SHROOM4: variants seen among roughly 807,000 people sequenced by gnomAD.
The protein encoded by SHROOM4 is shroom family member 4, also known as protein Shroom4.
In SHROOM4, 17 loss-of-function variants were observed where a neutral mutation model predicts 80.3. The ratio of observed to expected loss-of-function variants is 0.21; its 90% CI spans 0.14 to 0.32. The LOEUF is 0.32. Among genes scored for constraint, SHROOM4 ranks in the 10% least tolerant of loss-of-function variants. SHROOM4 has a pLI of 1.00. For synonymous variants in SHROOM4, 400 were observed against 437.5 expected (o/e 0.91, Z 1.07); for missense variants, 993 against 1,140.3 (o/e 0.87, Z 1.86).
intron 2 of SHROOM4, among the ~76,000 whole-genome samples, chrX:50,680,733 G>T (rs140772251): frequency 2.4e-4 from 27 of 110,936 alleles, no homozygotes; most frequent in Non-Finnish European, 4.3e-4. Flanking sequence ...CTTTATCAGA[G>T]GGTGACTCCA....
At chrX:50,718,691 G>A (rs1934031425) in intron 1 of SHROOM4, among the ~76,000 whole-genome samples, 2 of 111,540 alleles carry the variant, frequency 1.8e-5, no homozygotes, top group Admixed American at 1.9e-4. Context: ...GCTAGATTGG[G>A]GCACCATGAA....
chrX:50,602,237 GC>G (rs1320966545), intron 7 of SHROOM4, among the ~76,000 whole-genome samples: 1 of 109,834 alleles, frequency 9.1e-6, no homozygotes, highest in Admixed American at 9.7e-5. Flanking sequence ...GATTACAGGT[GC>G]CCACCACCAC....
At chrX:50,691,964 A>C (rs184880191) in intron 2 of SHROOM4, among the ~76,000 whole-genome samples, 3,920 of 111,159 alleles carry the variant, frequency 0.035, 185 homozygotes, top group African/African-American at 0.12. Flanking sequence ...ATGTCATTGT[A>C]AGCCTTCACC....
At chrX:50,642,777 T>TCCC (rs1343252314) in intron 2 of SHROOM4, among the ~76,000 whole-genome samples, 4 of 111,757 alleles carry the variant, frequency 3.6e-5, no homozygotes, top group Non-Finnish European at 7.5e-5. Flanking sequence ...TAAGTTATTA[T>TCCC]CCCCACTTTA....
chrX:50,667,368 TAAATA>T (rs1349790781), intron 2 of SHROOM4, among the ~76,000 whole-genome samples: 1 of 111,793 alleles, frequency 8.9e-6, no homozygotes, highest in Non-Finnish European at 1.9e-5. Context: ...TATTGGGTTT[TAAATA>T]AATATATTTA....
At chrX:50,686,796 A>G (rs1375898830) in intron 2 of SHROOM4, among the ~76,000 whole-genome samples, 1 of 111,676 alleles carries the variant, frequency 9.0e-6, no homozygotes, top group African/African-American at 3.3e-5. Context: ...CAACAGATTT[A>G]TAAGCTCCAT....
chrX:50,593,632 G>C lies in SHROOM4; in HGVS notation c.*3063C>G, dbSNP rs976772962. 10 of 107,800 alleles carry C rather than the reference G, an allele frequency of 9.3e-5. No individual in the cohort carries two copies. The highest frequency in any genetic ancestry group is 3.5e-4 in the African/African-American group (10 of 28,201). The allele number at this position is 107,800 out of a possible 1,213,427, so 8.9% of individuals were successfully genotyped here. A position where few individuals can be genotyped will look rare whatever the true frequency, so the allele number is the denominator to read the frequency against. ...CTGGCAAAGCTCCAAATGGGTGGAA[G>C]TGGCCAGAAATGGGCCCAGCTTCCT... On this transcript the variant is annotated 3_prime_UTR_variant, in exon 9 of 9. Transcript: ENST00000376020.
intron 4 of SHROOM4, among the ~76,000 whole-genome samples, chrX:50,632,111 C>T (rs1333975307): frequency 9.0e-6 from 1 of 111,306 alleles, no homozygotes; most frequent in Non-Finnish European, 1.9e-5. Context: ...ACATTGTCAC[C>T]ACCCCACAAG....
chrX:50,677,846 A>G (rs1932873619), intron 2 of SHROOM4, among the ~76,000 whole-genome samples: 1 of 111,777 alleles, frequency 8.9e-6, no homozygotes, highest in African/African-American at 3.2e-5. Flanking sequence ...TCCAAGTTTT[A>G]GGTAAGTCTG....
intron 2 of SHROOM4, among the ~76,000 whole-genome samples, chrX:50,694,316 T>C (rs1165850716): frequency 2.7e-5 from 3 of 109,483 alleles, no homozygotes; most frequent in Non-Finnish European, 5.7e-5. Flanking sequence ...TATTTCACAC[T>C]CCTACCAACA....
chrX:50,593,112 T>C lies in SHROOM4; in HGVS notation c.*3583A>G, dbSNP rs922140940. On this transcript the variant is annotated 3_prime_UTR_variant, in exon 9 of 9. Coordinates refer to ENST00000376020, the MANE Select transcript of SHROOM4 (RefSeq NM_020717.5). Reference sequence around the variant, plus strand: ...AAAAGCTGTTCCCCTAAAAAGGCTATGGCAGATCCTGCTATTTAACTGGGG... The same window carrying C: ...AAAAGCTGTTCCCCTAAAAAGGCTACGGCAGATCCTGCTATTTAACTGGGG... 8 of 112,217 alleles carry C rather than the reference T, an allele frequency of 7.1e-5. No homozygotes were observed. The highest frequency in any genetic ancestry group is 2.3e-4 in the African/African-American group (7 of 30,811). The allele number at this position is 112,217 out of a possible 1,213,427, so 9.2% of individuals were successfully genotyped here.
At chrX:50,629,125 C>T (rs1332313850) in intron 4 of SHROOM4, among the ~76,000 whole-genome samples, 1 of 112,072 alleles carries the variant, frequency 8.9e-6, no homozygotes, top group Non-Finnish European at 1.9e-5. Context: ...CTTCCCAGGT[C>T]CACAGTATCA....
rs1557246521 is a variant in SHROOM4, at chrX:50,596,159, T to G, written c.*536A>C. The G allele has an allele frequency of 9.1e-6, 3 of 328,947 alleles. No homozygotes were observed. The highest frequency in any genetic ancestry group is 7.9e-5 in the African/African-American group (3 of 37,837). 27.1% of individuals were successfully genotyped at this position (328,947 alleles called of 1,213,427 possible). On this transcript the variant is annotated 3_prime_UTR_variant, in exon 9 of 9. Coordinates refer to ENST00000376020, the MANE Select transcript of SHROOM4 (RefSeq NM_020717.5). ...GGGGTACTCAACCTTTGCTTGCATT[T>G]TTTTCAGTGTAATTCCTCCCTCTGT...
intron 1 of SHROOM4, among the ~76,000 whole-genome samples, chrX:50,802,474 A>G (rs1159053514): frequency 9.0e-6 from 1 of 111,589 alleles, no homozygotes; most frequent in Admixed American, 9.5e-5. Flanking sequence ...TAGATTTTAC[A>G]TATTAGATTA....
intron 2 of SHROOM4, among the ~76,000 whole-genome samples, chrX:50,675,631 A>C (rs1177815806): frequency 3.6e-5 from 4 of 111,327 alleles, no homozygotes; most frequent in African/African-American, 1.3e-4. Flanking sequence ...TGAAGTTAGT[A>C]TTGAGAAAAT....
intron 1 of SHROOM4, among the ~76,000 whole-genome samples, chrX:50,719,457 C>T (rs1934051770): frequency 8.9e-6 from 1 of 111,857 alleles, no homozygotes; most frequent in Non-Finnish European, 1.9e-5. Context: ...AGTCCTTGCT[C>T]AGGTCTCACC....
In SHROOM4 at chrX:50,608,061, G is replaced by A; in HGVS notation, c.3081C>T (p.Phe1027=). 1 of 1,211,464 alleles carries A rather than the reference G, an allele frequency of 8.3e-7. No homozygotes were observed. The highest frequency in any genetic ancestry group is 1.8e-5 in the South Asian group (1 of 56,900). The change falls in exon 6 of 9, where the codon TTC becomes TTT. Residue 1027 remains phenylalanine, a synonymous_variant. Transcript: ENST00000376020. ...AISSLDLLGD[F]KHALKKSEET... ...CCTCTGATTTTTTCAAAGCATGTTT[G>A]AAGTCTCCAAGGAGGTCAAGAGAAG... is the stretch of plus-strand genomic sequence containing the variant.
At position 50,634,433 on chromosome X, in the gene SHROOM4, G is replaced by A. The variant is rs1415711078; in HGVS notation, c.1640C>T (p.Ala547Val). Residue 547 changes from alanine to valine, a missense_variant, in exon 4 of 9, where the codon GCT (alanine) becomes GTT (valine). Coordinates refer to ENST00000376020, the MANE Select transcript of SHROOM4 (RefSeq NM_020717.5). ...ATDCSSTTKAASGTEAGEEGD... is the reference protein window; with the variant it reads ...ATDCSSTTKAVSGTEAGEEGD... ...TTCTTCACCTGCCTCTGTGCCACTA[G>A]CTGCTTTAGTGGTTGAAGAACAGTC... The A allele has an allele frequency of 7.4e-6, 9 of 1,211,547 alleles. No individual in the cohort carries two copies. The highest frequency in any genetic ancestry group is 1.0e-5 in the Non-Finnish European group (9 of 895,440).
At chrX:50,777,185 C>T (rs1557270207) in intron 1 of SHROOM4, among the ~76,000 whole-genome samples, 1 of 111,401 alleles carries the variant, frequency 9.0e-6, no homozygotes, top group African/African-American at 3.3e-5. Context: ...AGTGATGACA[C>T]TAGAATGCAG....
Sources: gnomAD v4.1 joint callset for allele counts (sites outside exome capture counted in the v4.1 genomes callset) on GRCh38, gnomAD v4.1.1 for gene constraint, MANE v1.5 for transcripts, NCBI Gene and HGNC (gene_info 2026-07-23, HGNC 2026-07-21) for gene names.